ZMYND11: variants seen among roughly 807,000 people sequenced by gnomAD.
ZMYND11 encodes zinc finger MYND domain-containing protein 11.
A neutral mutation model predicts 84.9 loss-of-function variants in ZMYND11; 9 were observed. The observed-to-expected ratio is 0.11, with a 90% CI of 0.06 to 0.18. ZMYND11 has a LOEUF of 0.18. Ranked by LOEUF, ZMYND11 falls within the 10% of genes least tolerant of loss-of-function variation. The pLI, the probability that ZMYND11 is intolerant of heterozygous loss-of-function variation, is 1.00. For missense variants in ZMYND11, 409 were observed against 761.0 expected, an observed-to-expected ratio of 0.54 and a Z score of 5.44; for synonymous variants, 250 against 244.1, an observed-to-expected ratio of 1.02 and a Z score of -0.23.
chr10:230,413 T>C (rs986158889), intron 4 of ZMYND11, among the ~76,000 whole-genome samples: 9 of 136,708 alleles, frequency 6.6e-5, no homozygotes, highest in Non-Finnish European at 1.2e-4. Flanking sequence ...GCGGAGGTTG[T>C]AGTGAGTTGA....
rs376360360 is a variant in ZMYND11 at position 247,486 on chromosome 10, G to A, written c.1227+20G>A. On this transcript the variant is annotated intron_variant, in intron 12 of 14. Coordinates refer to ENST00000381604, the MANE Select transcript of ZMYND11 (RefSeq NM_001370100.5). ...AAGGAAGTAAGTTGCCCACCTCGCA[G>A]TATCCAGGTGGCAAATGAAACAGGA... 2 of 1,610,850 alleles carry A rather than the reference G, an allele frequency of 1.2e-6. No individual in the cohort carries two copies. The highest frequency in any genetic ancestry group is 1.3e-5 in the African/African-American group (1 of 74,758).
intron 2 of ZMYND11, among the ~76,000 whole-genome samples, chr10:206,372 A>T (rs1944174939): frequency 6.6e-6 from 1 of 152,164 alleles, no homozygotes; most frequent in Admixed American, 6.5e-5. Context: ...AAATAATAAT[A>T]AATCAATAGC....
intron 6 of ZMYND11, among the ~76,000 whole-genome samples, chr10:238,609 G>T (rs1323680864): frequency 6.6e-6 from 1 of 152,152 alleles, no homozygotes; most frequent in Non-Finnish European, 1.5e-5. Flanking sequence ...GCCCGCCTCG[G>T]CCTCCCAAAG....
At chr10:142,214 C>T (rs538205563) in intron 1 of ZMYND11, among the ~76,000 whole-genome samples, 1 of 152,308 alleles carries the variant, frequency 6.6e-6, no homozygotes, top group African/African-American at 2.4e-5. Flanking sequence ...GATCCTCACA[C>T]CTCAGCCTCC....
chr10:243,314 A>G (rs1447007833), intron 10 of ZMYND11, among the ~76,000 whole-genome samples: 1 of 152,232 alleles, frequency 6.6e-6, no homozygotes, highest in Non-Finnish European at 1.5e-5. Context: ...TATTCAAGGA[A>G]TAACGGGGGA....
intron 3 of ZMYND11, among the ~76,000 whole-genome samples, chr10:210,812 G>T (rs2131281636): frequency 1.3e-5 from 2 of 152,086 alleles, no homozygotes; most frequent in South Asian, 4.2e-4. Flanking sequence ...CTAATACCTT[G>T]ATTTAAAATG....
At chr10:249,375 A>G (rs1952859478) in intron 14 of ZMYND11, 1 of 1,132,644 alleles carries the variant, frequency 8.8e-7, no homozygotes. Context: ...ATCTATGCAT[A>G]TATTTTATTT....
At chr10:161,488 T>C (rs1554761859) in intron 1 of ZMYND11, among the ~76,000 whole-genome samples, 3 of 152,238 alleles carry the variant, frequency 2.0e-5, no homozygotes, top group Non-Finnish European at 2.9e-5. Context: ...GCCTGTCCTT[T>C]GATGATTTGA....
rs535939263 is a variant in ZMYND11 at position 242,465 on chromosome 10, CAGTT to C, written c.950+328_950+331del. Among the ~76,000 whole-genome samples, 277 of 152,210 alleles carry C rather than the reference CAGTT, an allele frequency of 1.8e-3. 3 individuals are homozygous for C. The highest frequency in any genetic ancestry group is 6.1e-3 in the African/African-American group (252 of 41,528). ...AATGGAATTACCATTACCATATTCA[CAGTT>C]ACTCTAGTTGCTCCAGCCATCTTCA... On this transcript the variant is annotated intron_variant, in intron 10 of 14. Coordinates refer to ENST00000381604, the MANE Select transcript of ZMYND11 (RefSeq NM_001370100.5).
chr10:220,206 G>C (rs1287116136), intron 3 of ZMYND11, among the ~76,000 whole-genome samples: 2 of 152,084 alleles, frequency 1.3e-5, no homozygotes, highest in African/African-American at 4.8e-5. Flanking sequence ...AATTGATGGT[G>C]GAACCCAAAT....
At chr10:134,921 C>G (rs1446935739), upstream of ZMYND11, 3 of 150,580 alleles carry the variant, frequency 2.0e-5, no homozygotes, top group African/African-American at 2.4e-5. Flanking sequence ...GCTCCGGCCC[C>G]GGGCGGGAGG....
In ZMYND11 at chr10:206,238, T is replaced by A. The variant is rs191817830; in HGVS notation, c.117-3651T>A. ...AGCCAGGCGTGGTGGCCAGCACCTGTAGTCCCAGCTACTTGGGAGGCTGAG... is the reference window on the plus strand; with the variant it reads ...AGCCAGGCGTGGTGGCCAGCACCTGAAGTCCCAGCTACTTGGGAGGCTGAG... On this transcript the variant is annotated intron_variant, in intron 2 of 14. Transcript: ENST00000381604. Among the ~76,000 whole-genome samples the A allele has an allele frequency of 1.3e-3, 197 of 152,262 alleles. 1 individual carries two copies. The highest frequency in any genetic ancestry group is 4.4e-3 in the African/African-American group (183 of 41,540).
Position 174,471 on chromosome 10 carries a change from A to T in ZMYND11, c.-19-5523A>T, listed in dbSNP as rs183092002. Among the ~76,000 whole-genome samples the T allele has an allele frequency of 1.7e-3, 266 of 152,372 alleles. 1 individual carries two copies. Among genetic ancestry groups the T allele is most frequent in the African/African-American group, 6.2e-3 (256 of 41,592 alleles). On this transcript the variant is annotated intron_variant, in intron 1 of 14. Transcript: ENST00000381604. ...TATTCTGTATGGGCACTACCGTGGCACATGCTTGTCATTCATACATTGGTC... is the reference window on the plus strand; with the variant it reads ...TATTCTGTATGGGCACTACCGTGGCTCATGCTTGTCATTCATACATTGGTC...
chr10:215,961 G>T (rs1265525983), intron 3 of ZMYND11, among the ~76,000 whole-genome samples: 1 of 152,010 alleles, frequency 6.6e-6, no homozygotes, highest in Admixed American at 6.6e-5. Context: ...ATATTTTCTG[G>T]CTTCTTAAAG....
intron 4 of ZMYND11, among the ~76,000 whole-genome samples, chr10:230,646 CA>C (rs1948880786): frequency 5.3e-5 from 8 of 152,104 alleles, no homozygotes; most frequent in Admixed American, 5.2e-4. Flanking sequence ...TAGAAGTCAG[CA>C]ATTGATATTT....
chr10:185,059 G>A (rs963750381), intron 2 of ZMYND11, among the ~76,000 whole-genome samples: 9 of 152,238 alleles, frequency 5.9e-5, no homozygotes, highest in Admixed American at 3.9e-4. Context: ...GCCCCATTAA[G>A]CTCTAGCTCC....
intron 1 of ZMYND11, among the ~76,000 whole-genome samples, chr10:149,628 A>G (rs1839833340): frequency 6.6e-6 from 1 of 152,198 alleles, no homozygotes; most frequent in African/African-American, 2.4e-5. Context: ...ACAATAGTAA[A>G]TACTTAATAC....
intron 2 of ZMYND11, among the ~76,000 whole-genome samples, chr10:189,309 G>A (rs1343523628): frequency 6.6e-6 from 1 of 152,108 alleles, no homozygotes; most frequent in African/African-American, 2.4e-5. Flanking sequence ...TCCAGGAACT[G>A]TTTATTTATG....
chr10:157,104 A>G (rs1554759473), intron 1 of ZMYND11, among the ~76,000 whole-genome samples: 2 of 152,250 alleles, frequency 1.3e-5, no homozygotes, highest in Admixed American at 6.5e-5. Context: ...ATTTCAGGAA[A>G]ATAATTTAGA....
Sources: allele counts gnomAD v4.1 joint callset (sites outside exome capture counted in the v4.1 genomes callset), GRCh38; gene constraint gnomAD v4.1.1; transcripts MANE v1.5; gene names NCBI Gene and HGNC (gene_info 2026-07-23, HGNC 2026-07-21).